SMYD3: variants seen among roughly 807,000 people sequenced by gnomAD.
SMYD3 encodes histone-lysine N-methyltransferase SMYD3.
SMYD3 carries 36 observed loss-of-function variants against 57.7 expected under a neutral mutation model. The observed-to-expected ratio is 0.62, with a 90% confidence interval of 0.48 to 0.82. The LOEUF (loss-of-function observed/expected upper bound fraction) is 0.82. Among genes scored for constraint, SMYD3 ranks in the 40% least tolerant of loss-of-function variants. SMYD3 has a pLI of 0.00. For synonymous variants in SMYD3, 211 were observed against 195.0 expected, an observed-to-expected ratio of 1.08 and a Z score of -0.68; for missense variants, 515 against 538.8, an observed-to-expected ratio of 0.96 and a Z score of 0.44.
chr1:246,065,059 A>T (rs1019143041), intron 5 of SMYD3, among the ~76,000 whole-genome samples: 1 of 152,266 alleles, frequency 6.6e-6, no homozygotes, highest in Admixed American at 6.5e-5. Context: ...GGACTAAAGC[A>T]GGATATAAAT....
At chr1:245,831,220 C>A (rs79131308) in intron 10 of SMYD3, among the ~76,000 whole-genome samples, 9 of 152,126 alleles carry the variant, frequency 5.9e-5, no homozygotes, top group Non-Finnish European at 1.0e-4. Flanking sequence ...CTGTCCTTCA[C>A]AACAGAGGTA....
intron 5 of SMYD3, among the ~76,000 whole-genome samples, chr1:246,140,527 C>T (rs2061736481): frequency 6.6e-6 from 1 of 152,202 alleles, no homozygotes; most frequent in Non-Finnish European, 1.5e-5. Flanking sequence ...GGAACTGCTC[C>T]GTGGTGGATT....
At chr1:246,338,484 C>T (rs1265043720) in intron 2 of SMYD3, among the ~76,000 whole-genome samples, 1 of 152,162 alleles carries the variant, frequency 6.6e-6, no homozygotes, top group Non-Finnish European at 1.5e-5. Flanking sequence ...TACATTACTT[C>T]CAATACAGGA....
At chr1:245,767,705 T>C (rs1558316199) in intron 10 of SMYD3, among the ~76,000 whole-genome samples, 1 of 150,082 alleles carries the variant, frequency 6.7e-6, no homozygotes, top group Non-Finnish European at 1.5e-5. Context: ...AGGAGGGGAG[T>C]GGGAAGGGAG....
At chr1:245,978,703 G>C (rs555167044) in intron 5 of SMYD3, among the ~76,000 whole-genome samples, 1 of 152,290 alleles carries the variant, frequency 6.6e-6, no homozygotes, top group African/African-American at 2.4e-5. Context: ...GTGAAAGGCA[G>C]AGTGGCCTCA....
At chr1:246,413,640 A>G (rs925175049) in intron 1 of SMYD3, among the ~76,000 whole-genome samples, 2 of 152,130 alleles carry the variant, frequency 1.3e-5, no homozygotes, top group East Asian at 3.9e-4. Context: ...TTCAAAGTGT[A>G]TGATGCCCCA....
intron 8 of SMYD3, among the ~76,000 whole-genome samples, chr1:245,867,954 A>T (rs1180215984): frequency 6.6e-6 from 1 of 152,198 alleles, no homozygotes; most frequent in African/African-American, 2.4e-5. Context: ...TGCATGTCAT[A>T]TCTTCCCCAC....
intron 5 of SMYD3, among the ~76,000 whole-genome samples, chr1:245,961,151 G>A (rs140876460): frequency 6.6e-6 from 1 of 152,242 alleles, no homozygotes; most frequent in African/African-American, 2.4e-5. Flanking sequence ...GGTCTACTCT[G>A]CATTCTCCCT....
chr1:246,326,499 C>A, intron 5 of SMYD3: 1 of 563,938 alleles, frequency 1.8e-6, no homozygotes, highest in Non-Finnish European at 3.1e-6. Context: ...GGAGGCCGGG[C>A]GTGGCAGTTC....
At chr1:246,251,448 GGACACTGTGCCCGGCTTTAGTAGGTGCCT>G (rs2063797375) in intron 5 of SMYD3, among the ~76,000 whole-genome samples, 4 of 149,226 alleles carry the variant, frequency 2.7e-5, no homozygotes, top group African/African-American at 1.0e-4. Context: ...TAGGTGCCTC[GGACACTGTGCCCGGCTTTAGTAGGTGCCT>G]CGGACACTGT....
chr1:246,493,079 A>T (rs895391393), intron 1 of SMYD3, among the ~76,000 whole-genome samples: 3 of 152,212 alleles, frequency 2.0e-5, no homozygotes, highest in Admixed American at 6.5e-5. Context: ...AATAAATAAA[A>T]GGGTAAAGTT....
At chr1:245,986,343 T>C (rs563245707) in intron 5 of SMYD3, among the ~76,000 whole-genome samples, 1 of 152,348 alleles carries the variant, frequency 6.6e-6, no homozygotes, top group Non-Finnish European at 1.5e-5. Context: ...GGGAAGCAGA[T>C]ACTTGAGAGT....
At chr1:245,906,328 C>T (rs570601266) in intron 8 of SMYD3, among the ~76,000 whole-genome samples, 12 of 152,222 alleles carry the variant, frequency 7.9e-5, no homozygotes, top group African/African-American at 2.9e-4. Context: ...GATCAAAAGA[C>T]GGACAAAAGA....
chr1:245,777,799 G>A (rs2046665802), intron 10 of SMYD3, among the ~76,000 whole-genome samples: 1 of 152,072 alleles, frequency 6.6e-6, no homozygotes, highest in South Asian at 2.1e-4. Context: ...GCTCCACTGC[G>A]TACTCCACAC....
intron 7 of SMYD3, among the ~76,000 whole-genome samples, chr1:245,922,371 T>C (rs1162736817): frequency 6.6e-6 from 1 of 152,160 alleles, no homozygotes; most frequent in African/African-American, 2.4e-5. Context: ...CTATAGAAAA[T>C]GTTAATTTAA....
rs115602514 is a variant in SMYD3, at chr1:246,110,835, G to A, written c.532-180898C>T. 8.6e-4 allele frequency among the ~76,000 whole-genome samples: 131 copies of A among 152,302 alleles called. 3 individuals are homozygous for A. Among genetic ancestry groups the A allele is most frequent in the South Asian group, 8.1e-3 (39 of 4,830 alleles). ...GCCCATCCTGCCTGGCTGCAGTGCA[G>A]CCATGTTCCTTACACCTACCAATTT... On this transcript the variant is annotated intron_variant, in intron 5 of 11. Coordinates refer to ENST00000490107, the MANE Select transcript of SMYD3 (RefSeq NM_001167740.2).
intron 5 of SMYD3, among the ~76,000 whole-genome samples, chr1:246,248,767 G>C (rs138458103): frequency 6.9e-6 from 1 of 145,332 alleles, no homozygotes; most frequent in African/African-American, 2.6e-5. Context: ...TCAGCCTCCC[G>C]AGTAGCTGGG....
intron 5 of SMYD3, among the ~76,000 whole-genome samples, chr1:246,282,202 T>C (rs570380708): frequency 1.3e-5 from 2 of 149,198 alleles, no homozygotes; most frequent in African/African-American, 5.0e-5. Context: ...GTGCAGTGGT[T>C]CATGCCCGTA....
At chr1:246,129,042 C>T (rs1327603116) in intron 5 of SMYD3, among the ~76,000 whole-genome samples, 32 of 152,208 alleles carry the variant, frequency 2.1e-4, no homozygotes, top group East Asian at 3.9e-4. Context: ...CAGCGATCTG[C>T]GCACCTCGGC....
Sources: gnomAD v4.1 joint callset for allele counts (sites outside exome capture counted in the v4.1 genomes callset) on GRCh38, gnomAD v4.1.1 for gene constraint, MANE v1.5 for transcripts, NCBI Gene and HGNC (gene_info 2026-07-23, HGNC 2026-07-21) for gene names.